The following KCNIP4 variants were observed in gnomAD, a reference collection of about 807,000 sequenced individuals.
The protein encoded by KCNIP4 is Kv channel-interacting protein 4.
Under a neutral mutation model 34.0 loss-of-function variants are expected in KCNIP4, and 12 were observed. The ratio of observed to expected loss-of-function variants is 0.35; its 90% confidence interval spans 0.23 to 0.57. KCNIP4 has a LOEUF of 0.57. Ranked by LOEUF, KCNIP4 falls within the 20% of genes least tolerant of loss-of-function variation. The probability of loss-of-function intolerance (pLI) is 0.83; values close to 1 mark genes in which losing one functional copy is unlikely to be tolerated. For synonymous variants in KCNIP4, 124 were observed against 102.2 expected (o/e 1.21, Z -1.29); for missense variants, 238 against 311.7 (o/e 0.76, Z 1.78).
chr4:21,676,497 C>T (rs2109016879), intron 1 of KCNIP4, among the ~76,000 whole-genome samples: 1 of 152,264 alleles, frequency 6.6e-6, no homozygotes. Flanking sequence ...CCCATTGCAG[C>T]AGAGATATTT....
chr4:20,783,171 G>A (rs1757012790), intron 3 of KCNIP4, among the ~76,000 whole-genome samples: 1 of 152,080 alleles, frequency 6.6e-6, no homozygotes, highest in South Asian at 2.1e-4. Context: ...AGCATTTTGG[G>A]CAAAGCCATT....
At chr4:20,865,071 T>C (rs78369522) in intron 2 of KCNIP4, among the ~76,000 whole-genome samples, 2,298 of 152,170 alleles carry the variant, frequency 0.015, 58 homozygotes, top group African/African-American at 0.052. Flanking sequence ...CAATGTGATA[T>C]TCTGTGTATA....
chr4:21,718,921 A>T (rs1234638490), intron 1 of KCNIP4: 1 of 152,212 alleles, frequency 6.6e-6, no homozygotes, highest in East Asian at 1.9e-4. Flanking sequence ...AAATGTCAAC[A>T]ATTGCATTTT....
At chr4:21,420,744 G>C (rs1275708737) in intron 1 of KCNIP4, among the ~76,000 whole-genome samples, 2 of 152,058 alleles carry the variant, frequency 1.3e-5, no homozygotes, top group Non-Finnish European at 2.9e-5. Flanking sequence ...CAAACTTTTT[G>C]ATATAATCTC....
At chr4:21,392,562 G>A (rs1012072298) in intron 1 of KCNIP4, among the ~76,000 whole-genome samples, 1 of 152,204 alleles carries the variant, frequency 6.6e-6, no homozygotes, top group African/African-American at 2.4e-5. Flanking sequence ...AGCGCTGTGA[G>A]CTTCACAAAC....
intron 5 of KCNIP4, among the ~76,000 whole-genome samples, chr4:20,735,410 A>C (rs1183519304): frequency 6.6e-6 from 1 of 152,162 alleles, no homozygotes; most frequent in Non-Finnish European, 1.5e-5. Flanking sequence ...GTCCTTGGCA[A>C]TGACATTGGC....
At chr4:20,849,447 G>C (rs1158353916) in intron 3 of KCNIP4, among the ~76,000 whole-genome samples, 1 of 152,124 alleles carries the variant, frequency 6.6e-6, no homozygotes, top group East Asian at 1.9e-4. Flanking sequence ...GTCAACTACC[G>C]GTATGAATTC....
chr4:21,123,739 G>A (rs1433478), intron 1 of KCNIP4, among the ~76,000 whole-genome samples: 76,347 of 152,070 alleles, frequency 0.5, 20,101 homozygotes, highest in African/African-American at 0.66. Flanking sequence ...GGTCATGTGG[G>A]TGGGGCCCTC....
intron 1 of KCNIP4, among the ~76,000 whole-genome samples, chr4:21,252,378 G>A (rs868212066): frequency 2.4e-4 from 37 of 152,018 alleles, no homozygotes; most frequent in African/African-American, 7.2e-4. Flanking sequence ...CGCCCGCCTC[G>A]GCCTCCCAAA....
intron 1 of KCNIP4, among the ~76,000 whole-genome samples, chr4:21,522,341 T>C (rs1735601832): frequency 6.6e-6 from 1 of 152,022 alleles, no homozygotes; most frequent in African/African-American, 2.4e-5. Flanking sequence ...TAGAGCAAAA[T>C]ACATTTTCAC....
chr4:21,936,281 C>A (rs1368205686), intron 1 of KCNIP4, among the ~76,000 whole-genome samples: 2 of 152,048 alleles, frequency 1.3e-5, no homozygotes, highest in Non-Finnish European at 2.9e-5. Context: ...GTGAATAAGT[C>A]TCACAAGATC....
chr4:21,043,280 G>A (rs546638045), intron 1 of KCNIP4, among the ~76,000 whole-genome samples: 3 of 152,238 alleles, frequency 2.0e-5, no homozygotes, highest in South Asian at 4.1e-4. Context: ...AATGGATCAT[G>A]ACACTGATTT....
chr4:21,255,724 G>T (rs1393272072), intron 1 of KCNIP4, among the ~76,000 whole-genome samples: 2 of 151,910 alleles, frequency 1.3e-5, no homozygotes, highest in Non-Finnish European at 2.9e-5. Flanking sequence ...TGTGCTCATT[G>T]AACAGACATT....
At chr4:21,448,376 T>C (rs938280434) in intron 1 of KCNIP4, among the ~76,000 whole-genome samples, 1 of 152,248 alleles carries the variant, frequency 6.6e-6, no homozygotes, top group South Asian at 2.1e-4. Flanking sequence ...TACTGGAAAC[T>C]GGAGGAAAGG....
intron 1 of KCNIP4, among the ~76,000 whole-genome samples, chr4:21,339,523 G>A (rs1418424506): frequency 6.6e-6 from 1 of 152,156 alleles, no homozygotes; most frequent in African/African-American, 2.4e-5. Context: ...ATTGTATAAA[G>A]AAGCAGAAAC....
chr4:21,560,916 G>C (rs1739449498), intron 1 of KCNIP4, among the ~76,000 whole-genome samples: 1 of 152,038 alleles, frequency 6.6e-6, no homozygotes, highest in Admixed American at 6.6e-5. Flanking sequence ...ATGAGGCCTT[G>C]TATTTGTTGA....
chr4:20,836,810 T>G (rs1719084811), intron 3 of KCNIP4, among the ~76,000 whole-genome samples: 1 of 152,046 alleles, frequency 6.6e-6, no homozygotes, highest in South Asian at 2.1e-4. Context: ...CATATAAAAC[T>G]TATCATCATA....
chr4:20,833,802 T>C (rs1251412409), intron 3 of KCNIP4, among the ~76,000 whole-genome samples: 7 of 152,216 alleles, frequency 4.6e-5, no homozygotes, highest in African/African-American at 1.7e-4. Context: ...GACTGAATTT[T>C]AGACTCCGTG....
chr4:21,343,979 C>A (rs1383722810), intron 1 of KCNIP4, among the ~76,000 whole-genome samples: 1 of 152,120 alleles, frequency 6.6e-6, no homozygotes, highest in African/African-American at 2.4e-5. Flanking sequence ...AAACATAATT[C>A]AAGTCTCTGG....
Sources: gnomAD v4.1 joint callset for allele counts (sites outside exome capture counted in the v4.1 genomes callset) on GRCh38, gnomAD v4.1.1 for gene constraint, MANE v1.5 for transcripts, NCBI Gene and HGNC (gene_info 2026-07-23, HGNC 2026-07-21) for gene names.